GPATCH2L: variants seen among roughly 807,000 people sequenced by gnomAD.
GPATCH2L encodes G-patch domain containing 2 like.
Under a neutral mutation model 57.4 loss-of-function variants are expected in GPATCH2L, and 31 were observed. The observed-to-expected ratio is 0.54, with a 90% CI of 0.41 to 0.73. The LOEUF is 0.73. Among genes scored for constraint, GPATCH2L ranks in the 30% least tolerant of loss-of-function variants. The probability of loss-of-function intolerance (pLI) is 0.00; values close to 1 mark genes in which losing one functional copy is unlikely to be tolerated. For missense variants in GPATCH2L, 481 were observed against 599.9 expected, an observed-to-expected ratio of 0.80 and a Z score of 2.07; for synonymous variants, 199 against 210.7, an observed-to-expected ratio of 0.94 and a Z score of 0.48.
At chr14:76,173,405 T>C in intron 4 of GPATCH2L, 141 bp from the exon 5 acceptor site, 1 of 578,204 alleles carries the variant, frequency 1.7e-6, no homozygotes, top group Admixed American at 3.0e-5. Context: ...GAATAATAAA[T>C]CCTTGGCAAA....
chr14:76,187,396 A>T (rs2039808302), intron 8 of GPATCH2L, among the ~76,000 whole-genome samples: 2 of 152,050 alleles, frequency 1.3e-5, no homozygotes, highest in African/African-American at 2.4e-5. Flanking sequence ...TACATTGGGT[A>T]GGCCTCCATA....
chr14:76,218,561 A>C (rs924139661), downstream of GPATCH2L, among the ~76,000 whole-genome samples: 2 of 152,100 alleles, frequency 1.3e-5, no homozygotes, highest in African/African-American at 2.4e-5. Context: ...CTCTCATAGA[A>C]ATACGCAGCA....
intron 3 of GPATCH2L, 71 bp downstream of exon 3, chr14:76,166,798 C>A: frequency 9.5e-7 from 1 of 1,056,412 alleles, no homozygotes. Flanking sequence ...ATAGGAGTGA[C>A]TCATGGAGAA....
chr14:76,218,881 G>T (rs1332096220), downstream of GPATCH2L, among the ~76,000 whole-genome samples: 7 of 151,610 alleles, frequency 4.6e-5, no homozygotes. Context: ...AATGGGGTGG[G>T]AACTCCTAGG....
In GPATCH2L at chr14:76,210,485, G is replaced by A. The variant is rs2040428655; in HGVS notation, c.*8634G>A. ...ACCTCTTTATTGACTTGTTTGTCCTGGTGGGCTGTTTCTCTACCAGGCAAC... is the reference window on the plus strand; with the variant it reads ...ACCTCTTTATTGACTTGTTTGTCCTAGTGGGCTGTTTCTCTACCAGGCAAC... On this transcript the variant is annotated 3_prime_UTR_variant, in exon 10 of 10. Coordinates refer to ENST00000261530, the MANE Select transcript of GPATCH2L (RefSeq NM_017926.4). The A allele has an allele frequency of 6.6e-6, 1 of 152,146 alleles. No individual in the cohort carries two copies. Among genetic ancestry groups the A allele is most frequent in the Non-Finnish European group, 1.5e-5 (1 of 68,042 alleles). The allele number at this position is 152,146 out of a possible 1,614,324, so 9.4% of individuals were successfully genotyped here. A position where few individuals can be genotyped will look rare whatever the true frequency, so the allele number is the denominator to read the frequency against.
chr14:76,157,673 GT>G (rs397964557), intron 2 of GPATCH2L, among the ~76,000 whole-genome samples: 1 of 117,784 alleles, frequency 8.5e-6, no homozygotes, highest in African/African-American at 2.5e-5. Context: ...CAATGGTAGC[GT>G]TTTTTTTTTC....
rs138738942 is a variant in GPATCH2L, at chr14:76,227,406, T to C, written c.66-2402T>C. ...CCAGGCTGCAGGGAAATGAGACCAG[T>C]GGAGTACCAGAGTCCAGGGGGGAGG... On this transcript the variant is annotated intron_variant and NMD_transcript_variant, in intron 1 of 3. Transcript: ENST00000556372. Among the ~76,000 whole-genome samples, 3 of 151,928 alleles carry C rather than the reference T, an allele frequency of 2.0e-5. No homozygotes were observed. In the East Asian group the frequency reaches 5.8e-4, roughly 30 times the overall value.
rs190687643 is a variant in GPATCH2L at position 76,168,623 on chromosome 14, G to T, written c.727+1896G>T. ...CTATGGCAGAGGATGTAAATGCCAG[G>T]TGACCAGGCTAGACCACAAGTACAT... On this transcript the variant is annotated intron_variant, in intron 3 of 9. Transcript: ENST00000261530. 7.2e-5 allele frequency among the ~76,000 whole-genome samples: 11 copies of T among 152,288 alleles called. No homozygotes were observed. In the South Asian group the frequency reaches 8.3e-4, roughly 11 times the overall value.
At chr14:76,179,316 A>C (rs1252018562) in intron 7 of GPATCH2L, 1 of 152,300 alleles carries the variant, frequency 6.6e-6, no homozygotes, top group African/African-American at 2.4e-5. Flanking sequence ...TAGTAAGGAC[A>C]AAGCTGAGCA....
At chr14:76,168,669 T>A (rs2038954228) in intron 3 of GPATCH2L, among the ~76,000 whole-genome samples, 1 of 152,216 alleles carries the variant, frequency 6.6e-6, no homozygotes. Flanking sequence ...TTTGCTTGAA[T>A]CATATCTGTT....
At chr14:76,160,450 G>C (rs2038528855) in intron 2 of GPATCH2L, among the ~76,000 whole-genome samples, 1 of 152,130 alleles carries the variant, frequency 6.6e-6, no homozygotes, top group Non-Finnish European at 1.5e-5. Context: ...CTAAAACTTA[G>C]TAGCTCTAAA....
intron 8 of GPATCH2L, among the ~76,000 whole-genome samples, chr14:76,182,799 C>T (rs532386368): frequency 1.3e-5 from 2 of 152,096 alleles, no homozygotes; most frequent in South Asian, 4.1e-4. Context: ...AAGTTGACAA[C>T]TACAATAAAG....
chr14:76,195,158 G>A (rs1451679121), intron 8 of GPATCH2L, among the ~76,000 whole-genome samples: 2 of 152,114 alleles, frequency 1.3e-5, no homozygotes, highest in Admixed American at 6.5e-5. Flanking sequence ...CTTCACATAC[G>A]TAAAGATTTT....
intron 1 of GPATCH2L, among the ~76,000 whole-genome samples, chr14:76,223,580 A>T (rs2040524627): frequency 6.6e-6 from 1 of 152,244 alleles, no homozygotes; most frequent in Non-Finnish European, 1.5e-5. Context: ...AAATAGATAA[A>T]TAAGCCTTTA....
rs1595010669 is a variant in GPATCH2L, at chr14:76,214,283, G to A, written c.*12432G>A. 2 of 152,206 alleles carry A rather than the reference G, an allele frequency of 1.3e-5. No homozygotes were observed. Among genetic ancestry groups the A allele is most frequent in the East Asian group, 3.9e-4 (2 of 5,186 alleles). The allele number at this position is 152,206 out of a possible 1,614,324, so 9.4% of individuals were successfully genotyped here. ...TTAGCAGTGTTTTAAAATTATCCTT[G>A]TGTAGGTTTTGTGCATTTCTTGCTA... is the stretch of plus-strand genomic sequence containing the variant. On this transcript the variant is annotated 3_prime_UTR_variant, in exon 10 of 10. Coordinates refer to ENST00000261530, the MANE Select transcript of GPATCH2L (RefSeq NM_017926.4).
intron 1 of GPATCH2L, among the ~76,000 whole-genome samples, chr14:76,221,103 A>G (rs1256934079): frequency 1.3e-5 from 2 of 151,966 alleles, no homozygotes; most frequent in African/African-American, 4.8e-5. Context: ...AAATGTTTGC[A>G]AAAGACACAT....
chr14:76,190,725 A>T (rs748724232), intron 8 of GPATCH2L, among the ~76,000 whole-genome samples: 8 of 152,180 alleles, frequency 5.3e-5, no homozygotes, highest in Non-Finnish European at 5.9e-5. Context: ...TTTTCAACTC[A>T]GTAATTTTCG....
chr14:76,219,273 A>G (rs1595012574), downstream of GPATCH2L, among the ~76,000 whole-genome samples: 1 of 152,316 alleles, frequency 6.6e-6, no homozygotes, highest in East Asian at 1.9e-4. Context: ...TTAGCAATCC[A>G]GTATAAAAAT....
chr14:76,195,117 C>A (rs1236226054), intron 8 of GPATCH2L, among the ~76,000 whole-genome samples: 1 of 152,080 alleles, frequency 6.6e-6, no homozygotes. Context: ...TAATCAGAGG[C>A]AGGATCTGTC....
Sources: allele counts gnomAD v4.1 joint callset (sites outside exome capture counted in the v4.1 genomes callset), GRCh38; gene constraint gnomAD v4.1.1; transcripts MANE v1.5; gene names NCBI Gene and HGNC (gene_info 2026-07-23, HGNC 2026-07-21).